Variants in PTPRD observed in about 807,000 individuals in gnomAD.
The protein encoded by PTPRD is protein tyrosine phosphatase receptor type D.
Under a neutral mutation model 214.5 loss-of-function variants are expected in PTPRD, and 34 were observed. The ratio of observed to expected loss-of-function variants is 0.16; its 90% confidence interval spans 0.12 to 0.21. The LOEUF is 0.21. PTPRD is among the 10% of genes least tolerant of loss of function. The pLI, the probability that PTPRD is intolerant of heterozygous loss-of-function variation, is 1.00. For synonymous variants in PTPRD, 1,128 were observed against 845.7 expected (o/e 1.33, Z -5.79); for missense variants, 2,545 against 2,398.7 (o/e 1.06, Z -1.27).
intron 10 of PTPRD, among the ~76,000 whole-genome samples, chr9:9,162,001 G>A (rs1344304154): frequency 2.0e-5 from 3 of 151,866 alleles, no homozygotes; most frequent in Non-Finnish European, 4.4e-5. Flanking sequence ...AAGAGTAGCA[G>A]GATAACATGA....
At chr9:10,319,389 A>T (rs2096508123) in intron 3 of PTPRD, among the ~76,000 whole-genome samples, 1 of 152,092 alleles carries the variant, frequency 6.6e-6, no homozygotes, top group East Asian at 1.9e-4. Flanking sequence ...GTACATCTGA[A>T]ATTCAAAATA....
At chr9:10,013,742 G>T (rs117271027) in intron 4 of PTPRD, among the ~76,000 whole-genome samples, 1 of 151,820 alleles carries the variant, frequency 6.6e-6, no homozygotes, top group Non-Finnish European at 1.5e-5. Context: ...GTTTTTCAAG[G>T]TGCTGTTTCA....
intron 12 of PTPRD, among the ~76,000 whole-genome samples, chr9:8,699,616 C>T (rs953459291): frequency 2.0e-5 from 3 of 152,034 alleles, no homozygotes; most frequent in African/African-American, 7.2e-5. Context: ...TTGGTTGGGC[C>T]AGTAACTTTC....
At chr9:10,399,342 C>T (rs780385830) in intron 2 of PTPRD, among the ~76,000 whole-genome samples, 25 of 151,970 alleles carry the variant, frequency 1.6e-4, no homozygotes, top group South Asian at 4.2e-4. Context: ...AAAGCATAGA[C>T]GCTCTAATTC....
intron 10 of PTPRD, among the ~76,000 whole-genome samples, chr9:9,027,730 G>A (rs1042651545): frequency 6.6e-6 from 1 of 151,682 alleles, no homozygotes; most frequent in Non-Finnish European, 1.5e-5. Context: ...GGGAGAATAG[G>A]GTGTTTAGTG....
At chr9:10,436,590 T>TAC (rs554971817) in intron 2 of PTPRD, among the ~76,000 whole-genome samples, 2 of 151,560 alleles carry the variant, frequency 1.3e-5, no homozygotes, top group South Asian at 4.1e-4. Context: ...ATCTTTTCCT[T>TAC]ACACACACAC....
chr9:9,483,936 C>G (rs1434478462), intron 8 of PTPRD, among the ~76,000 whole-genome samples: 1 of 151,684 alleles, frequency 6.6e-6, no homozygotes, highest in African/African-American at 2.4e-5. Context: ...ATTATAAATG[C>G]TTTTCTAGAA....
intron 14 of PTPRD, among the ~76,000 whole-genome samples, chr9:8,568,785 T>C (rs1277162074): frequency 6.6e-6 from 1 of 152,030 alleles, no homozygotes; most frequent in Non-Finnish European, 1.5e-5. Context: ...CTCCATTTTC[T>C]ACAGAATTCA....
intron 8 of PTPRD, among the ~76,000 whole-genome samples, chr9:9,480,757 T>C (rs1183412421): frequency 6.6e-6 from 1 of 152,020 alleles, no homozygotes; most frequent in Non-Finnish European, 1.5e-5. Context: ...TTGATAAAAA[T>C]ACAACATTAA....
chr9:9,787,610 A>T (rs781118141), intron 5 of PTPRD, among the ~76,000 whole-genome samples: 3 of 152,026 alleles, frequency 2.0e-5, no homozygotes, highest in Admixed American at 6.6e-5. Context: ...AGAAAAACAT[A>T]CCAGGTAAAA....
At chr9:9,210,783 T>C (rs189353376) in intron 9 of PTPRD, among the ~76,000 whole-genome samples, 6 of 152,112 alleles carry the variant, frequency 3.9e-5, no homozygotes, top group Non-Finnish European at 7.4e-5. Context: ...ATTTTTTTTG[T>C]TGTGAACTTA....
intron 2 of PTPRD, among the ~76,000 whole-genome samples, chr9:10,601,006 T>C (rs2077826482): frequency 6.6e-6 from 1 of 151,812 alleles, no homozygotes; most frequent in South Asian, 2.1e-4. Context: ...TTAGCTTTAT[T>C]ATAAAATTCT....
intron 8 of PTPRD, among the ~76,000 whole-genome samples, chr9:9,556,700 C>T (rs1326443576): frequency 6.6e-6 from 1 of 152,076 alleles, no homozygotes; most frequent in Non-Finnish European, 1.5e-5. Flanking sequence ...TAACACAACC[C>T]AAATCCTTCA....
At chr9:9,910,800 T>C (rs1019438826) in intron 5 of PTPRD, among the ~76,000 whole-genome samples, 3 of 152,036 alleles carry the variant, frequency 2.0e-5, no homozygotes, top group African/African-American at 7.2e-5. Context: ...TAGTGTGAAG[T>C]CATGAGACTC....
At chr9:9,643,899 G>A (rs543056677) in intron 7 of PTPRD, among the ~76,000 whole-genome samples, 16 of 152,148 alleles carry the variant, frequency 1.1e-4, no homozygotes, top group South Asian at 4.1e-4. Context: ...ACCACTGCCC[G>A]CTAAAGAATT....
At chr9:9,616,096 G>C (rs746458500) in intron 7 of PTPRD, among the ~76,000 whole-genome samples, 2 of 152,112 alleles carry the variant, frequency 1.3e-5, no homozygotes, top group Admixed American at 1.3e-4. Context: ...AGCTTTCCTG[G>C]TTCTGCCAAA....
chr9:9,404,560 C>G (rs559906665), intron 8 of PTPRD, among the ~76,000 whole-genome samples: 2 of 152,056 alleles, frequency 1.3e-5, no homozygotes, highest in Non-Finnish European at 2.9e-5. Flanking sequence ...GAAAAATACA[C>G]GTTTACTGTA....
At chr9:8,528,942 C>G (rs865937433) in intron 14 of PTPRD, among the ~76,000 whole-genome samples, 163 bp from the exon 15 acceptor site, 3 of 152,116 alleles carry the variant, frequency 2.0e-5, no homozygotes, top group Non-Finnish European at 2.9e-5. Flanking sequence ...TGCTACTGAT[C>G]AGAAGAGTAA....
intron 2 of PTPRD, among the ~76,000 whole-genome samples, chr9:10,492,812 C>G (rs1158073941): frequency 6.6e-6 from 1 of 152,066 alleles, no homozygotes; most frequent in Non-Finnish European, 1.5e-5. Context: ...GTGGTATTGC[C>G]TAGACTTTCT....
Sources: gnomAD v4.1 joint callset for allele counts (sites outside exome capture counted in the v4.1 genomes callset) on GRCh38, gnomAD v4.1.1 for gene constraint, MANE v1.5 for transcripts, NCBI Gene and HGNC (gene_info 2026-07-23, HGNC 2026-07-21) for gene names.